SLC25A30: variants seen among roughly 807,000 people sequenced by gnomAD.
SLC25A30 encodes solute carrier family 25 member 30.
In SLC25A30, 29 loss-of-function variants were observed where a neutral mutation model predicts 42.7. The observed-to-expected ratio is 0.68, with a 90% CI of 0.51 to 0.93. The LOEUF (loss-of-function observed/expected upper bound fraction) is 0.93, where lower values mean the gene tolerates loss of function less well. SLC25A30 is among the 40% of genes least tolerant of loss of function. The pLI is 0.00. For synonymous variants in SLC25A30, 124 were observed against 131.0 expected, an observed-to-expected ratio of 0.95 and a Z score of 0.37; for missense variants, 300 against 359.7, an observed-to-expected ratio of 0.83 and a Z score of 1.34.
At chr13:45,424,570 A>AATATATAAATATATATAAAT in the SLC25A30 span, among the ~76,000 whole-genome samples, 89 of 27,440 alleles carry the variant, frequency 3.2e-3, 7 homozygotes, top group East Asian at 0.025. Context: ...TAAATGTATA[A>AATATATAAATATATATAAAT]ATATATAAAT....
intron 9 of SLC25A30, 62 bp from the exon 10 acceptor site, chr13:45,396,077 A>G (rs1881289979): frequency 6.2e-7 from 1 of 1,614,082 alleles, no homozygotes; most frequent in African/African-American, 1.3e-5. Context: ...GTGCATAACA[A>G]CAGACTTACA....
intron 1 of SLC25A30, chr13:45,411,885 G>C (rs1284428114): frequency 6.1e-6 from 1 of 163,162 alleles, no homozygotes; most frequent in Non-Finnish European, 1.3e-5. Context: ...GCCAAGGTAG[G>C]AGAATTGTTT....
At chr13:45,397,393 A>G in intron 8 of SLC25A30, 55 bp from the exon 9 acceptor site, 2 of 1,317,004 alleles carry the variant, frequency 1.5e-6, no homozygotes, top group Non-Finnish European at 2.2e-6. Context: ...TGCCAAATGC[A>G]TTAATAATTA....
chr13:45,396,420 G>A (rs1196602734), intron 9 of SLC25A30: 1 of 875,502 alleles, frequency 1.1e-6, no homozygotes, highest in East Asian at 8.1e-5. Flanking sequence ...AGCTGATGAA[G>A]AGCAACAAGA....
rs985514375 is a variant in SLC25A30 at position 45,394,254 on chromosome 13, G to A, written c.*1720C>T. 15 of 165,962 alleles carry A rather than the reference G, an allele frequency of 9.0e-5. No individual in the cohort carries two copies. The highest frequency in any genetic ancestry group is 2.7e-3 in the Middle Eastern group (1 of 366). 10.3% of individuals were successfully genotyped at this position (165,962 alleles called of 1,614,324 possible). A position where few individuals can be genotyped will look rare whatever the true frequency, so the allele number is the denominator to read the frequency against. ...CCCTACCCCACTGCACCCCGCCCCC[G>A]CCCCCACCTTCTGTTATCCTCTCTT... On this transcript the variant is annotated 3_prime_UTR_variant, in exon 10 of 10. Coordinates refer to ENST00000519676, the MANE Select transcript of SLC25A30 (RefSeq NM_001010875.4).
At chr13:45,421,398 A>AG (rs1259794703), upstream of SLC25A30, among the ~76,000 whole-genome samples, 1 of 151,530 alleles carries the variant, frequency 6.6e-6, no homozygotes, top group Non-Finnish European at 1.5e-5. Flanking sequence ...AAAAAAAAAA[A>AG]AAGAATTAAA....
intron 1 of SLC25A30, among the ~76,000 whole-genome samples, chr13:45,416,532 T>C (rs936414766): frequency 2.0e-5 from 3 of 152,076 alleles, no homozygotes; most frequent in Non-Finnish European, 4.4e-5. Context: ...CTTGGGAGGC[T>C]GAGGCTGGAG....
the SLC25A30 span, among the ~76,000 whole-genome samples, chr13:45,424,613 A>T: frequency 8.5e-4 from 60 of 70,672 alleles, 8 homozygotes; most frequent in Non-Finnish European, 1.5e-3. Flanking sequence ...ATATAAATAT[A>T]TATAAATATA....
intron 9 of SLC25A30, 86 bp from the exon 10 acceptor site, chr13:45,396,101 A>G (rs1272374963): frequency 1.9e-6 from 3 of 1,613,316 alleles, no homozygotes; most frequent in Non-Finnish European, 1.7e-6. Flanking sequence ...GGCACACTTA[A>G]TAACAAATAG....
the SLC25A30 span, among the ~76,000 whole-genome samples, chr13:45,423,737 T>C: frequency 4.4e-5 from 3 of 67,708 alleles, 1 homozygote; most frequent in Non-Finnish European, 7.2e-5. Context: ...TATAAATATA[T>C]ATAAATATAT....
upstream of SLC25A30, among the ~76,000 whole-genome samples, chr13:45,418,952 A>AC (rs1883773484): frequency 1.6e-5 from 1 of 61,736 alleles, no homozygotes. Flanking sequence ...AAAAAAAAAA[A>AC]AAAAAAAAAA....
rs191037875 is a variant in SLC25A30 at position 45,393,404 on chromosome 13, G to C, written c.*2570C>G. On this transcript the variant is annotated 3_prime_UTR_variant, in exon 10 of 10. Transcript: ENST00000519676. ...CCAACAATGTTTAAATAAAGAGCTT[G>C]AAATATAAAGGCTTATGAAAACTTC... The C allele has an allele frequency of 1.0e-6, 1 of 982,548 alleles. No individual in the cohort carries two copies. Among genetic ancestry groups the C allele is most frequent in the East Asian group, 1.1e-4 (1 of 8,798 alleles). 60.9% of individuals were successfully genotyped at this position (982,548 alleles called of 1,614,324 possible). A position where few individuals can be genotyped will look rare whatever the true frequency, so the allele number is the denominator to read the frequency against.
At chr13:45,431,192 C>T in the SLC25A30 span, among the ~76,000 whole-genome samples, 3 of 151,306 alleles carry the variant, frequency 2.0e-5, no homozygotes, top group African/African-American at 7.3e-5. Flanking sequence ...GGATTACAAG[C>T]ATGTACCACC....
intron 7 of SLC25A30, among the ~76,000 whole-genome samples, chr13:45,400,033 T>TACACACACACAC (rs71184413): frequency 8.1e-6 from 1 of 122,988 alleles, no homozygotes; most frequent in African/African-American, 3.0e-5. Context: ...TATATATATA[T>TACACACACACAC]ACACACACAC....
At chr13:45,412,534 A>G (rs1442035659) in intron 1 of SLC25A30, among the ~76,000 whole-genome samples, 1 of 152,122 alleles carries the variant, frequency 6.6e-6, no homozygotes, top group East Asian at 1.9e-4. Context: ...CTTCCTAGAG[A>G]AGTTCCTGCT....
At chr13:45,418,988 A>G (rs1454600452), upstream of SLC25A30, among the ~76,000 whole-genome samples, 3 of 126,568 alleles carry the variant, frequency 2.4e-5, no homozygotes, top group Non-Finnish European at 3.3e-5. Flanking sequence ...AAAAAAAGCC[A>G]GACCTGGTGG....
upstream of SLC25A30, among the ~76,000 whole-genome samples, chr13:45,419,264 A>G (rs886517246): frequency 2.7e-5 from 4 of 150,596 alleles, no homozygotes; most frequent in African/African-American, 7.3e-5. Context: ...ATATTAATAT[A>G]TAACATTTTT....
chr13:45,394,201 C>G lies in SLC25A30; in HGVS notation c.*1773G>C. ...GGTTGCCCAGGGAGAGCTGGACTTT[C>G]ATCTGAGTCTCAGCAATTAACAGGT... On this transcript the variant is annotated 3_prime_UTR_variant, in exon 10 of 10. Transcript: ENST00000519676. 1 of 985,374 alleles carries G rather than the reference C, an allele frequency of 1.0e-6. No homozygotes were observed. The highest frequency in any genetic ancestry group is 1.2e-6 in the Non-Finnish European group (1 of 829,930). 61.0% of individuals were successfully genotyped at this position (985,374 alleles called of 1,614,324 possible).
chr13:45,399,874 A>G (rs1881755082), intron 7 of SLC25A30, among the ~76,000 whole-genome samples: 1 of 151,908 alleles, frequency 6.6e-6, no homozygotes, highest in South Asian at 2.1e-4. Context: ...ACTTTATATC[A>G]ATTAACCCAG....
Sources: allele counts gnomAD v4.1 joint callset (sites outside exome capture counted in the v4.1 genomes callset), GRCh38; gene constraint gnomAD v4.1.1; transcripts MANE v1.5; gene names NCBI Gene and HGNC (gene_info 2026-07-23, HGNC 2026-07-21).